Variants in ARHGAP40 observed in about 807,000 individuals in gnomAD.
ARHGAP40 encodes the protein rho GTPase-activating protein 40.
In ARHGAP40, 43 loss-of-function variants were observed where a neutral mutation model predicts 73.5. That is an observed-to-expected ratio of 0.58 (90% CI 0.46 to 0.75). The LOEUF (loss-of-function observed/expected upper bound fraction) is 0.75, where lower values mean the gene tolerates loss of function less well. Among genes scored for constraint, ARHGAP40 ranks in the 30% least tolerant of loss-of-function variants. The pLI, the probability that ARHGAP40 is intolerant of heterozygous loss-of-function variation, is 0.00. For synonymous variants in ARHGAP40, 300 were observed against 352.8 expected (o/e 0.85, Z 1.68); for missense variants, 734 against 861.8 (o/e 0.85, Z 1.86).
chr20:38,639,171 G>C, intron 8 of ARHGAP40, 56 bp from the exon 9 acceptor site: 1 of 1,290,502 alleles, frequency 7.7e-7, no homozygotes, highest in Middle Eastern at 2.2e-4. Flanking sequence ...AAGTGGTAGA[G>C]CGACTTCTAC....
In ARHGAP40 at chr20:38,610,710, G is replaced by A. The variant is rs560106368; in HGVS notation, c.137+8631G>A. Among the ~76,000 whole-genome samples the A allele has an allele frequency of 2.3e-3, 345 of 152,292 alleles. 1 individual carries two copies. The highest frequency in any genetic ancestry group is 7.3e-3 in the African/African-American group (304 of 41,556). Reference sequence around the variant, plus strand: ...GTGAAGCTTCGTCTAAAAATTTGGAGTCAGCAGAAAGGAATGTTTAAGAGA... The same window carrying A: ...GTGAAGCTTCGTCTAAAAATTTGGAATCAGCAGAAAGGAATGTTTAAGAGA... On this transcript the variant is annotated intron_variant, in intron 1 of 14. Transcript: ENST00000373345.
Position 38,630,060 on chromosome 20 carries a change from T to TTTTC in ARHGAP40, c.783+430_783+433dup, listed in dbSNP as rs371088762. 4.5e-4 allele frequency among the ~76,000 whole-genome samples: 63 copies of TTTTC among 140,534 alleles called. 1 individual carries two copies. In the Middle Eastern group the frequency reaches 0.01, roughly 23 times the overall value. 92.2% of individuals were successfully genotyped at this position (140,534 alleles called of 152,430 possible). ...CCCTTCCCTCCTCCTCCTCCTTCTTTTTTCTTTCTTTCTTTCTTTCTTTTT... is the reference window on the plus strand; with the variant it reads ...CCCTTCCCTCCTCCTCCTCCTTCTTTTTTCTTTCTTTCTTTCTTTCTTTCTTTTT... On this transcript the variant is annotated intron_variant, in intron 5 of 14. Transcript: ENST00000373345.
chr20:38,618,868 C>G (rs916543037), intron 1 of ARHGAP40, among the ~76,000 whole-genome samples: 1 of 152,180 alleles, frequency 6.6e-6, no homozygotes, highest in African/African-American at 2.4e-5. Context: ...GAAGCTGTCA[C>G]AGCCTGACAG....
At chr20:38,627,570 G>GGGGT (rs2088908648) in intron 3 of ARHGAP40, among the ~76,000 whole-genome samples, 1 of 133,082 alleles carries the variant, frequency 7.5e-6, no homozygotes, top group African/African-American at 2.8e-5. Flanking sequence ...TATGTGTGTT[G>GGGGT]AGTGTGTGTG....
At chr20:38,628,765 C>T (rs901339608) in intron 3 of ARHGAP40, among the ~76,000 whole-genome samples, 162 bp from the exon 4 acceptor site, 5 of 152,182 alleles carry the variant, frequency 3.3e-5, no homozygotes, top group Non-Finnish European at 4.4e-5. Flanking sequence ...GCCCATTCCC[C>T]GACTTAGCAG....
intron 1 of ARHGAP40, among the ~76,000 whole-genome samples, chr20:38,623,148 C>G (rs1041595956): frequency 1.4e-4 from 22 of 152,220 alleles, no homozygotes; most frequent in African/African-American, 5.3e-4. Context: ...TGGCCCTGCT[C>G]TGTCCCCTGC....
chr20:38,611,795 C>T (rs1213946355), intron 1 of ARHGAP40, among the ~76,000 whole-genome samples: 1 of 152,056 alleles, frequency 6.6e-6, no homozygotes, highest in Non-Finnish European at 1.5e-5. Context: ...AGGATGATCT[C>T]GATCTCCTGA....
intron 1 of ARHGAP40, among the ~76,000 whole-genome samples, chr20:38,609,159 G>C (rs955198021): frequency 6.6e-6 from 1 of 152,128 alleles, no homozygotes; most frequent in Non-Finnish European, 1.5e-5. Flanking sequence ...GTAGTGGGGG[G>C]GTTATTCTGC....
Position 38,629,201 on chromosome 20 carries a change from T to A in ARHGAP40, c.634+199T>A, listed in dbSNP as rs185488454. On this transcript the variant is annotated intron_variant, in intron 4 of 14. Transcript: ENST00000373345. ...AAGTGAGCTGTTGCCATCAGGCCCATGGGGCTCAAGATGGGAAAATTCTCT... is the reference window on the plus strand; with the variant it reads ...AAGTGAGCTGTTGCCATCAGGCCCAAGGGGCTCAAGATGGGAAAATTCTCT... Among the ~76,000 whole-genome samples, 13 of 152,282 alleles carry A rather than the reference T, an allele frequency of 8.5e-5. No individual in the cohort carries two copies. In the East Asian group the frequency reaches 2.5e-3, roughly 29 times the overall value.
chr20:38,623,158 C>T (rs2088881748), intron 1 of ARHGAP40, among the ~76,000 whole-genome samples: 1 of 152,214 alleles, frequency 6.6e-6, no homozygotes, highest in Non-Finnish European at 1.5e-5. Context: ...CTGTCCCCTG[C>T]AGCATTGCTG....
intron 2 of ARHGAP40, 60 bp downstream of exon 2, chr20:38,623,618 A>T: frequency 8.3e-7 from 1 of 1,206,826 alleles, no homozygotes; most frequent in South Asian, 1.4e-5. Flanking sequence ...CAGGCAGAGA[A>T]ATGTCAGAGG....
At position 38,627,278 on chromosome 20, in the gene ARHGAP40, C is replaced by A. The variant is rs2088904060; in HGVS notation, c.558+63C>A. ...TGGGATCTCTGTGCTGCCGCCACAG[C>A]CTGAGAGATGCAGTGATCCTGCTGA... On this transcript the variant is annotated intron_variant, in intron 3 of 14. Transcript: ENST00000373345. 4 of 1,263,186 alleles carry A rather than the reference C, an allele frequency of 3.2e-6. No individual in the cohort carries two copies. In the African/African-American group the frequency reaches 6.1e-5, roughly 19 times the overall value. 78.2% of individuals were successfully genotyped at this position (1,263,186 alleles called of 1,614,324 possible).
intron 1 of ARHGAP40, among the ~76,000 whole-genome samples, chr20:38,604,247 A>G (rs979725367): frequency 1.3e-5 from 2 of 152,210 alleles, no homozygotes; most frequent in Admixed American, 6.5e-5. Context: ...TGAATTCACT[A>G]TAAGAGCTCG....
Position 38,646,901 on chromosome 20 carries a change from A to T in ARHGAP40, c.1711-56A>T. The T allele has an allele frequency of 4.0e-6, 5 of 1,262,356 alleles. No individual in the cohort carries two copies. Among genetic ancestry groups the T allele is most frequent in the Non-Finnish European group, 5.2e-6 (5 of 965,366 alleles). The allele number at this position is 1,262,356 out of a possible 1,614,324, so 78.2% of individuals were successfully genotyped here. A position where few individuals can be genotyped will look rare whatever the true frequency, so the allele number is the denominator to read the frequency against. On this transcript the variant is annotated intron_variant, in intron 12 of 14. Coordinates refer to ENST00000373345, the Ensembl canonical transcript of ARHGAP40. The surrounding 1 kb of genome is among the most constrained non-coding windows in gnomAD (Gnocchi z 4.5). The stretch of plus-strand genomic sequence containing the variant: ...ATGCGTGTTTATGCATCCACGTTGG[A>T]ACTCCAGGCAAGCTGACTCTTATGT...
chr20:38,634,746 G>A lies in ARHGAP40; in HGVS notation c.910G>A (p.Asp304Asn), dbSNP rs769476165. 2.8e-5 allele frequency: 37 copies of A among 1,302,948 alleles called. No individual in the cohort carries two copies. The South Asian group carries it at 4.6e-4, about 16-fold the overall frequency. 80.7% of individuals were successfully genotyped at this position (1,302,948 alleles called of 1,614,324 possible). Residue 304 changes from aspartate to asparagine, a missense_variant, in exon 6 of 15, where the codon GAC becomes AAC. Coordinates refer to ENST00000373345, the Ensembl canonical transcript of ARHGAP40. Reference sequence around the variant, plus strand: ...CGCGCTCTGTGACATCCTCGGCTTGGACCTGAAGAGGAGCAAGGCGGGGAA... The same window carrying A: ...CGCGCTCTGTGACATCCTCGGCTTGAACCTGAAGAGGAGCAAGGCGGGGAA...
chr20:38,650,185 C>T (rs1255727469), exon 15 of ARHGAP40: 3 of 376,268 alleles, frequency 8.0e-6, no homozygotes, highest in Non-Finnish European at 1.6e-5. Flanking sequence ...CACCCTCCAG[C>T]CCTCCAGAGA....
intron 8 of ARHGAP40, 56 bp downstream of exon 8, chr20:38,638,894 T>G: frequency 7.8e-7 from 1 of 1,277,238 alleles, no homozygotes; most frequent in Non-Finnish European, 1.0e-6. Context: ...TGCTCACATG[T>G]GTGTTAAGCC....
At chr20:38,612,255 T>C (rs1368818910) in intron 1 of ARHGAP40, among the ~76,000 whole-genome samples, 1 of 152,240 alleles carries the variant, frequency 6.6e-6, no homozygotes, top group Non-Finnish European at 1.5e-5. Flanking sequence ...CCTTAATATA[T>C]ATTTAGATTT....
intron 3 of ARHGAP40, among the ~76,000 whole-genome samples, chr20:38,628,569 G>A: frequency 6.6e-6 from 1 of 152,224 alleles, no homozygotes; most frequent in Non-Finnish European, 1.5e-5. Context: ...CTCCCAAAGT[G>A]CTGGGATTAC....
Sources: allele counts gnomAD v4.1 joint callset (sites outside exome capture counted in the v4.1 genomes callset), GRCh38; gene constraint gnomAD v4.1.1; non-coding constraint Gnocchi (gnomAD v3.1); transcripts MANE v1.5; gene names NCBI Gene and HGNC (gene_info 2026-07-23, HGNC 2026-07-21).